GALNT10: variants seen among roughly 807,000 people sequenced by gnomAD.
GALNT10 encodes the protein polypeptide N-acetylgalactosaminyltransferase 10.
GALNT10 carries 41 observed loss-of-function variants against 75.0 expected under a neutral mutation model. The ratio of observed to expected loss-of-function variants is 0.55; its 90% CI spans 0.43 to 0.71. The LOEUF (loss-of-function observed/expected upper bound fraction) is 0.71, where lower values mean the gene tolerates loss of function less well. GALNT10 is among the 30% of genes least tolerant of loss of function. The probability of loss-of-function intolerance (pLI) is 0.00; values close to 1 mark genes in which losing one functional copy is unlikely to be tolerated. For synonymous variants in GALNT10, 302 were observed against 313.0 expected (o/e 0.96, Z 0.37); for missense variants, 727 against 818.5 (o/e 0.89, Z 1.36).
At chr5:154,377,900 C>A (rs1340237933) in intron 5 of GALNT10, among the ~76,000 whole-genome samples, 1 of 151,734 alleles carries the variant, frequency 6.6e-6, no homozygotes, top group Non-Finnish European at 1.5e-5. Context: ...AATTTATAGT[C>A]CTGAAGGAAC....
chr5:154,337,514 A>C lies in GALNT10; in HGVS notation c.568+7776A>C, dbSNP rs1051131714. ...GGCTACTGCTGGTACTAGAACTGCC[A>C]TAGGCACCTTGGTTTCATGGTTTGG... On this transcript the variant is annotated intron_variant, in intron 4 of 11. Coordinates refer to ENST00000297107, the MANE Select transcript of GALNT10 (RefSeq NM_198321.4). 3 of 738,190 alleles carry C rather than the reference A, an allele frequency of 4.1e-6. No homozygotes were observed. In the African/African-American group the frequency reaches 5.1e-5, roughly 13 times the overall value. The allele number at this position is 738,190 out of a possible 1,614,324, so 45.7% of individuals were successfully genotyped here. A position where few individuals can be genotyped will look rare whatever the true frequency, so the allele number is the denominator to read the frequency against.
At chr5:154,347,737 A>T (rs62379904) in intron 4 of GALNT10, among the ~76,000 whole-genome samples, 9,242 of 152,292 alleles carry the variant, frequency 0.061, 349 homozygotes, top group Middle Eastern at 0.1. Context: ...TAGCACTTTG[A>T]CTTTGAAAAT....
At position 154,416,609 on chromosome 5, in the gene GALNT10, G is replaced by A. The variant is rs1303592205; in HGVS notation, c.1654-205G>A. 7.2e-5 allele frequency among the ~76,000 whole-genome samples: 11 copies of A among 151,886 alleles called. No homozygotes were observed. In the South Asian group the frequency reaches 1.0e-3, roughly 14 times the overall value. On this transcript the variant is annotated intron_variant, in intron 11 of 11. Transcript: ENST00000297107. This position sits in a 1 kb window ranked among gnomAD's most constrained non-coding sequence, Gnocchi z 4.5. ...GCATCACTTCTGGCCACATCCCAGC[G>A]GGCAGAACCCAGTCCCACGGCAATA...
chr5:154,383,477 C>T (rs1441341688), intron 6 of GALNT10, among the ~76,000 whole-genome samples: 5 of 152,164 alleles, frequency 3.3e-5, no homozygotes, highest in Non-Finnish European at 7.3e-5. Flanking sequence ...AAGTAAGTAG[C>T]ACACACTGGA....
intron 1 of GALNT10, among the ~76,000 whole-genome samples, chr5:154,246,724 A>G (rs1400249395): frequency 8.5e-5 from 13 of 152,280 alleles, no homozygotes; most frequent in Non-Finnish European, 1.6e-4. Flanking sequence ...TTGTCAGATG[A>G]GTAGATTGCA....
At position 154,214,689 on chromosome 5, in the gene GALNT10, C is replaced by T. The variant is rs11742095; in HGVS notation, c.159+23664C>T. ...TGAATCATCTTGTGGTACAAAGTGA[C>T]GGGAAGGGATTCAGTCAGCTACCTG... On this transcript the variant is annotated intron_variant, in intron 1 of 11. Transcript: ENST00000297107. Among the ~76,000 whole-genome samples, 1,492 of 152,192 alleles carry T rather than the reference C, an allele frequency of 9.8e-3. 12 individuals carry two copies. Among genetic ancestry groups the T allele is most frequent in the Non-Finnish European group, 0.014 (979 of 68,024 alleles).
intron 6 of GALNT10, among the ~76,000 whole-genome samples, chr5:154,385,826 G>C (rs1328095462): frequency 6.6e-6 from 1 of 152,182 alleles, no homozygotes; most frequent in Non-Finnish European, 1.5e-5. Flanking sequence ...GTTGTCAAAG[G>C]AGCATGTTCA....
intron 1 of GALNT10, chr5:154,219,814 T>TG (rs1561632441): frequency 8.1e-6 from 1 of 122,924 alleles, no homozygotes; most frequent in African/African-American, 4.4e-5. Flanking sequence ...TCTCTCGCGC[T>TG]CTCTCTCTCT....
intron 4 of GALNT10, among the ~76,000 whole-genome samples, chr5:154,357,048 G>A (rs1026333943): frequency 6.6e-6 from 1 of 152,150 alleles, no homozygotes; most frequent in African/African-American, 2.4e-5. Flanking sequence ...TACATTCCCG[G>A]GTATGTTTAT....
chr5:154,202,279 A>T (rs567033179), intron 1 of GALNT10, among the ~76,000 whole-genome samples: 12 of 152,264 alleles, frequency 7.9e-5, no homozygotes, highest in Non-Finnish European at 1.5e-4. Flanking sequence ...CCATTTCAAG[A>T]ACCTTCCCTT....
chr5:154,404,812 TCTC>T (rs770366774), intron 8 of GALNT10, among the ~76,000 whole-genome samples: 8 of 152,130 alleles, frequency 5.3e-5, no homozygotes, highest in Non-Finnish European at 1.2e-4. Flanking sequence ...GTCTTTCTCT[TCTC>T]CTCACCCCCT....
intron 1 of GALNT10, among the ~76,000 whole-genome samples, chr5:154,270,078 G>C (rs1581948383): frequency 6.6e-6 from 1 of 151,924 alleles, no homozygotes; most frequent in Middle Eastern, 3.4e-3. Flanking sequence ...AGATGAAGGG[G>C]GTCTCAACTT....
chr5:154,274,557 G>A (rs1015125819), intron 1 of GALNT10, among the ~76,000 whole-genome samples: 5 of 152,018 alleles, frequency 3.3e-5, no homozygotes, highest in South Asian at 2.1e-4. Flanking sequence ...CACCATCATC[G>A]TCACCAAATT....
At chr5:154,235,881 A>C (rs1753238513) in intron 1 of GALNT10, among the ~76,000 whole-genome samples, 2 of 152,208 alleles carry the variant, frequency 1.3e-5, no homozygotes, top group Non-Finnish European at 2.9e-5. Flanking sequence ...AAAGGAACTG[A>C]GGCTAAAGAC....
At chr5:154,225,930 C>T (rs35508509) in intron 1 of GALNT10, among the ~76,000 whole-genome samples, 8,839 of 150,828 alleles carry the variant, frequency 0.059, 463 homozygotes, top group African/African-American at 0.14. Flanking sequence ...GGGAATTGAA[C>T]AATGAGAACA....
At chr5:154,340,893 C>T (rs1755023508) in intron 4 of GALNT10, among the ~76,000 whole-genome samples, 1 of 152,162 alleles carries the variant, frequency 6.6e-6, no homozygotes, top group Admixed American at 6.5e-5. Flanking sequence ...CTCTAAAGAT[C>T]AAGAAGGCCA....
intron 1 of GALNT10, among the ~76,000 whole-genome samples, chr5:154,214,863 G>C (rs1362572443): frequency 1.3e-5 from 2 of 152,176 alleles, no homozygotes; most frequent in Non-Finnish European, 2.9e-5. Flanking sequence ...CTTTCCAACT[G>C]CCTAACCTCA....
chr5:154,286,100 C>G (rs1359085650), intron 1 of GALNT10, among the ~76,000 whole-genome samples: 1 of 152,192 alleles, frequency 6.6e-6, no homozygotes, highest in African/African-American at 2.4e-5. Flanking sequence ...CCATGTACCC[C>G]TCTTTTATGG....
chr5:154,336,156 C>T (rs1754941575), intron 4 of GALNT10, among the ~76,000 whole-genome samples: 1 of 152,204 alleles, frequency 6.6e-6, no homozygotes, highest in Non-Finnish European at 1.5e-5. Context: ...CTTTTTATGG[C>T]TTGATAGCTC....
Sources: gnomAD v4.1 joint callset for allele counts (sites outside exome capture counted in the v4.1 genomes callset) on GRCh38, gnomAD v4.1.1 for gene constraint, Gnocchi (gnomAD v3.1) non-coding constraint, MANE v1.5 for transcripts, NCBI Gene and HGNC (gene_info 2026-07-23, HGNC 2026-07-21) for gene names.